Variants in EXOC6 observed in about 807,000 individuals in gnomAD.
EXOC6 encodes SEC15-like 1.
EXOC6 carries 60 observed loss-of-function variants against 112.5 expected under a neutral mutation model. The observed-to-expected ratio is 0.53, with a 90% CI of 0.43 to 0.66. The LOEUF (loss-of-function observed/expected upper bound fraction) is 0.66. Ranked by LOEUF, EXOC6 falls within the 30% of genes least tolerant of loss-of-function variation. The pLI is 0.00. For missense variants in EXOC6, 855 were observed against 957.1 expected, an observed-to-expected ratio of 0.89 and a Z score of 1.41; for synonymous variants, 295 against 308.0, an observed-to-expected ratio of 0.96 and a Z score of 0.44.
intron 13 of EXOC6, among the ~76,000 whole-genome samples, chr10:92,945,791 A>G (rs1043115358): frequency 5.3e-5 from 8 of 152,312 alleles, no homozygotes; most frequent in South Asian, 4.1e-4. Flanking sequence ...TGCCTGCGTC[A>G]GCCTCCCAAA....
chr10:93,029,882 A>G (rs1845193988), intron 20 of EXOC6, among the ~76,000 whole-genome samples: 1 of 152,102 alleles, frequency 6.6e-6, no homozygotes, highest in Non-Finnish European at 1.5e-5. Context: ...TATTGAAAAT[A>G]AATGGATCTC....
intron 9 of EXOC6, among the ~76,000 whole-genome samples, chr10:92,930,504 A>AAATAATAATAATAATAATAATAAT (rs10638557): frequency 4.0e-5 from 6 of 149,182 alleles, no homozygotes; most frequent in Non-Finnish European, 7.4e-5. Flanking sequence ...ACTCTGTCTC[A>AAATAATAATAATAATAATAATAAT]AATAATAATA....
intron 20 of EXOC6, among the ~76,000 whole-genome samples, chr10:93,031,008 C>T (rs1845246171): frequency 6.6e-6 from 1 of 152,144 alleles, no homozygotes; most frequent in Admixed American, 6.5e-5. Context: ...TGAAAAAATG[C>T]TGTAAGTCCT....
At chr10:92,946,372 C>T (rs889527601) in intron 13 of EXOC6, among the ~76,000 whole-genome samples, 11 of 151,604 alleles carry the variant, frequency 7.3e-5, no homozygotes, top group South Asian at 4.2e-4. Context: ...CCAGCCTGGG[C>T]GACAGAGTGA....
chr10:92,909,794 T>C (rs1292877859), intron 6 of EXOC6, among the ~76,000 whole-genome samples, 163 bp downstream of exon 6: 1 of 152,240 alleles, frequency 6.6e-6, no homozygotes, highest in African/African-American at 2.4e-5. Context: ...GTGTTTTCTT[T>C]GGCTTCACAT....
chr10:92,996,024 G>A (rs1280761436), intron 18 of EXOC6, among the ~76,000 whole-genome samples: 1 of 151,982 alleles, frequency 6.6e-6, no homozygotes, highest in Non-Finnish European at 1.5e-5. Context: ...ATATGTTTTT[G>A]TACTAATATA....
chr10:93,002,987 A>G (rs1843824014), intron 19 of EXOC6, among the ~76,000 whole-genome samples: 1 of 152,176 alleles, frequency 6.6e-6, no homozygotes, highest in Non-Finnish European at 1.5e-5. Flanking sequence ...GAAGTCCAGT[A>G]GCAAGGATCA....
At chr10:92,849,024 C>A (rs1230049724) in intron 1 of EXOC6, among the ~76,000 whole-genome samples, 1 of 152,146 alleles carries the variant, frequency 6.6e-6, no homozygotes, top group South Asian at 2.1e-4. Context: ...CGGCCGCGGG[C>A]ATGCCAGGCT....
chr10:92,868,922 C>A (rs1762273066), intron 1 of EXOC6, among the ~76,000 whole-genome samples: 1 of 149,952 alleles, frequency 6.7e-6, no homozygotes, highest in South Asian at 2.1e-4. Context: ...TCAAGTGATT[C>A]TCCCACCTCA....
intron 18 of EXOC6, among the ~76,000 whole-genome samples, chr10:92,976,452 ATGCT>A (rs1842612565): frequency 6.6e-6 from 1 of 152,006 alleles, no homozygotes; most frequent in Non-Finnish European, 1.5e-5. Context: ...TGTTAAACAG[ATGCT>A]TGAAGGCAGC....
chr10:93,023,668 T>C (rs951978876), intron 20 of EXOC6, among the ~76,000 whole-genome samples: 3 of 152,356 alleles, frequency 2.0e-5, no homozygotes, highest in Middle Eastern at 3.4e-3. Flanking sequence ...GGACTTGATA[T>C]ACTTATTTGT....
intron 20 of EXOC6, among the ~76,000 whole-genome samples, chr10:93,045,029 CG>C (rs747320925): frequency 0.013 from 1,699 of 128,142 alleles, 10 homozygotes; most frequent in Non-Finnish European, 0.019. Flanking sequence ...CCCGCCACCA[CG>C]CCCGGCTAAT....
At chr10:92,848,870 A>T (rs1056167555) in intron 1 of EXOC6, among the ~76,000 whole-genome samples, 9 of 151,948 alleles carry the variant, frequency 5.9e-5, no homozygotes, top group African/African-American at 1.7e-4. Context: ...GTCACCCCGC[A>T]GCCGGTGGGT....
rs1230655685 is a variant in EXOC6 at position 92,997,538 on chromosome 10, T to C, written c.2018T>C (p.Met673Thr). 1 of 1,613,590 alleles carries C rather than the reference T, an allele frequency of 6.2e-7. No homozygotes were observed. Among genetic ancestry groups the C allele is most frequent in the Non-Finnish European group, 8.5e-7 (1 of 1,179,654 alleles). Reference sequence around the variant, plus strand: ...CATCTGTCAACATCCTTAATGCAGATGCTACTGGACAGTGAGTTAAAACAA... The same window carrying C: ...CATCTGTCAACATCCTTAATGCAGACGCTACTGGACAGTGAGTTAAAACAA... ...CQHLSTSLMQ[M>T]LLDSELKQIS... The change falls in exon 19 of 22, where the codon ATG (methionine) becomes ACG (threonine). Residue 673 changes from methionine (M) to threonine (T), a missense_variant. Physicochemically the swap from Met to Thr is moderately conservative, Grantham distance 81 (BLOSUM62 -1). Transcript: ENST00000260762.
At chr10:92,906,983 A>C (rs553152172) in intron 5 of EXOC6, among the ~76,000 whole-genome samples, 1 of 152,200 alleles carries the variant, frequency 6.6e-6, no homozygotes, top group African/African-American at 2.4e-5. Flanking sequence ...TTAGAAACAG[A>C]TAAAACATAG....
intron 20 of EXOC6, among the ~76,000 whole-genome samples, chr10:93,051,041 T>C (rs1045324192): frequency 1.3e-5 from 2 of 152,116 alleles, no homozygotes; most frequent in African/African-American, 4.8e-5. Flanking sequence ...CACATGTATG[T>C]ATCTATATGC....
chr10:93,028,996 A>G (rs1246760323), intron 20 of EXOC6, among the ~76,000 whole-genome samples: 1 of 152,192 alleles, frequency 6.6e-6, no homozygotes, highest in African/African-American at 2.4e-5. Context: ...TTGTGAAAGG[A>G]AGAGTCAATT....
chr10:92,991,387 A>G (rs1416546298), intron 18 of EXOC6, among the ~76,000 whole-genome samples: 2 of 150,478 alleles, frequency 1.3e-5, no homozygotes, highest in African/African-American at 2.5e-5. Context: ...AGTGAGCCGA[A>G]ATGGTGCCAC....
chr10:92,939,656 A>G (rs1373433683), intron 12 of EXOC6, among the ~76,000 whole-genome samples: 1 of 152,118 alleles, frequency 6.6e-6, no homozygotes, highest in Non-Finnish European at 1.5e-5. Context: ...TGAAGTAATC[A>G]TCAGAGGTTG....
Sources: gnomAD v4.1 joint callset for allele counts (sites outside exome capture counted in the v4.1 genomes callset) on GRCh38, gnomAD v4.1.1 for gene constraint, MANE v1.5 for transcripts, NCBI Gene and HGNC (gene_info 2026-07-23, HGNC 2026-07-21) for gene names.